SLC25A21: variants seen among roughly 807,000 people sequenced by gnomAD.
SLC25A21 encodes the protein solute carrier family 25 member 21.
In SLC25A21, 47 loss-of-function variants were observed where a neutral mutation model predicts 43.8. The ratio of observed to expected loss-of-function variants is 1.07; its 90% CI spans 0.85 to 1.37. The LOEUF (loss-of-function observed/expected upper bound fraction) is 1.37, where lower values mean the gene tolerates loss of function less well. Ranked by LOEUF, SLC25A21 falls within the 40% of genes most tolerant of loss-of-function variation. The probability of loss-of-function intolerance (pLI) is 0.00; values close to 1 mark genes in which losing one functional copy is unlikely to be tolerated. For synonymous variants in SLC25A21, 131 were observed against 121.3 expected (o/e 1.08, Z -0.52); for missense variants, 352 against 350.2 (o/e 1.00, Z -0.04).
At chr14:36,834,721 ACT>A (rs1293001841) in intron 2 of SLC25A21, among the ~76,000 whole-genome samples, 1 of 151,956 alleles carries the variant, frequency 6.6e-6, no homozygotes, top group Non-Finnish European at 1.5e-5. Flanking sequence ...AGGTTTTCTG[ACT>A]CTACAAGGAG....
At chr14:36,909,802 C>G (rs2138609950) in intron 1 of SLC25A21, among the ~76,000 whole-genome samples, 2 of 152,242 alleles carry the variant, frequency 1.3e-5, no homozygotes, top group Middle Eastern at 3.4e-3. Flanking sequence ...ATGTCCAGTG[C>G]CCCTCCTACA....
At chr14:36,710,221 A>C (rs771342026) in intron 7 of SLC25A21, among the ~76,000 whole-genome samples, 1 of 151,890 alleles carries the variant, frequency 6.6e-6, no homozygotes, top group African/African-American at 2.4e-5. Context: ...AATAAAAAAA[A>C]AATTAGCTGG....
intron 2 of SLC25A21, among the ~76,000 whole-genome samples, chr14:36,829,090 G>C (rs1407890954): frequency 6.6e-6 from 1 of 152,070 alleles, no homozygotes; most frequent in African/African-American, 2.4e-5. Context: ...TAGAGATGGG[G>C]TTTTACCATG....
chr14:36,756,173 G>T (rs1444723802), intron 3 of SLC25A21, among the ~76,000 whole-genome samples: 3 of 152,182 alleles, frequency 2.0e-5, no homozygotes. Context: ...GTGTCCATGT[G>T]ATCCCTGCCA....
rs1882190733 is a variant in SLC25A21 at position 36,680,565 on chromosome 14, ATT to A, written c.*91_*92del. ...TTCTTGAACAGTTTTCTCCTTCATA[ATT>A]ATACACCTGGCCGATCGATAGTCTC... On this transcript the variant is annotated 3_prime_UTR_variant, in exon 10 of 10. Coordinates refer to ENST00000331299, the MANE Select transcript of SLC25A21 (RefSeq NM_030631.4). 10 of 1,469,428 alleles carry A rather than the reference ATT, an allele frequency of 6.8e-6. No individual in the cohort carries two copies. The South Asian group carries it at 1.6e-4, about 23-fold the overall frequency. 91.0% of individuals were successfully genotyped at this position (1,469,428 alleles called of 1,614,324 possible). A position where few individuals can be genotyped will look rare whatever the true frequency, so the allele number is the denominator to read the frequency against.
intron 1 of SLC25A21, among the ~76,000 whole-genome samples, chr14:37,126,573 T>C (rs1432472091): frequency 1.3e-5 from 2 of 152,044 alleles, no homozygotes; most frequent in Non-Finnish European, 2.9e-5. Flanking sequence ...TATAGGTATG[T>C]AATTACGTAT....
At chr14:36,910,756 C>T (rs553313329) in intron 1 of SLC25A21, among the ~76,000 whole-genome samples, 1 of 152,070 alleles carries the variant, frequency 6.6e-6, no homozygotes, top group Admixed American at 6.6e-5. Context: ...TGGCTTATTT[C>T]GGAATTACAG....
chr14:37,082,163 A>G (rs1962400877), intron 1 of SLC25A21, among the ~76,000 whole-genome samples: 2 of 152,226 alleles, frequency 1.3e-5, no homozygotes, highest in South Asian at 2.1e-4. Flanking sequence ...GTTCTCATTT[A>G]TAAGTGGGAG....
intron 1 of SLC25A21, among the ~76,000 whole-genome samples, chr14:36,914,057 A>G (rs903216772): frequency 6.6e-5 from 10 of 152,188 alleles, no homozygotes; most frequent in Non-Finnish European, 1.0e-4. Flanking sequence ...ACTCAAATCT[A>G]CCTGACAGCT....
At chr14:36,944,114 C>A (rs769739439) in intron 1 of SLC25A21, among the ~76,000 whole-genome samples, 5 of 152,026 alleles carry the variant, frequency 3.3e-5, no homozygotes, top group African/African-American at 1.2e-4. Context: ...GCCATGCTCC[C>A]GTGTTGGCCT....
At chr14:36,776,226 C>CTTTTTTTTTTTTTTTTTTTTTT (rs1227806836) in intron 3 of SLC25A21, among the ~76,000 whole-genome samples, 1 of 48,086 alleles carries the variant, frequency 2.1e-5, no homozygotes, top group Non-Finnish European at 4.6e-5. Context: ...TTTTCTTTTT[C>CTTTTTTTTTTTTTTTTTTTTTT]TTTCTTTCTT....
At chr14:36,928,099 A>T (rs528444415) in intron 1 of SLC25A21, among the ~76,000 whole-genome samples, 3 of 152,316 alleles carry the variant, frequency 2.0e-5, no homozygotes, top group African/African-American at 7.2e-5. Context: ...AGTCATGCTG[A>T]CTTCCTAAAG....
intron 1 of SLC25A21, among the ~76,000 whole-genome samples, chr14:37,110,158 T>G (rs1962992280): frequency 6.6e-6 from 1 of 152,188 alleles, no homozygotes; most frequent in South Asian, 2.1e-4. Context: ...TACTTCAGAC[T>G]TTCTAATCAT....
At chr14:36,704,704 A>C (rs1883432872) in intron 7 of SLC25A21, among the ~76,000 whole-genome samples, 1 of 152,062 alleles carries the variant, frequency 6.6e-6, no homozygotes, top group Non-Finnish European at 1.5e-5. Flanking sequence ...AACAAAAAAA[A>C]CAAGGTAAAA....
At chr14:36,940,149 TAAC>T (rs988809249) in intron 1 of SLC25A21, among the ~76,000 whole-genome samples, 26 of 152,150 alleles carry the variant, frequency 1.7e-4, no homozygotes, top group Non-Finnish European at 3.2e-4. Flanking sequence ...CAGTCAACTT[TAAC>T]AACGACTACC....
At chr14:36,892,092 G>A (rs1235809243) in intron 1 of SLC25A21, among the ~76,000 whole-genome samples, 1 of 152,128 alleles carries the variant, frequency 6.6e-6, no homozygotes, top group Non-Finnish European at 1.5e-5. Flanking sequence ...TAGTTTGTCA[G>A]ACAAAAGACA....
At chr14:37,019,172 C>T (rs967957986) in intron 1 of SLC25A21, among the ~76,000 whole-genome samples, 3 of 151,952 alleles carry the variant, frequency 2.0e-5, no homozygotes, top group Admixed American at 6.6e-5. Flanking sequence ...CACCAGCTCT[C>T]CAACCTCATC....
intron 1 of SLC25A21, among the ~76,000 whole-genome samples, chr14:36,905,236 G>A (rs931683903): frequency 6.6e-6 from 1 of 152,206 alleles, no homozygotes; most frequent in Non-Finnish European, 1.5e-5. Flanking sequence ...GCTATGTGGT[G>A]TAACAGAGGC....
intron 1 of SLC25A21, among the ~76,000 whole-genome samples, chr14:36,893,846 T>C (rs1891159443): frequency 6.6e-6 from 1 of 152,160 alleles, no homozygotes. Context: ...GATCAGATGG[T>C]TGTAGATATG....
Sources: allele counts gnomAD v4.1 joint callset (sites outside exome capture counted in the v4.1 genomes callset), GRCh38; gene constraint gnomAD v4.1.1; transcripts MANE v1.5; gene names NCBI Gene and HGNC (gene_info 2026-07-23, HGNC 2026-07-21).